The following ATXN7 variants were observed in gnomAD, a reference collection of about 807,000 sequenced individuals.
ATXN7 encodes ataxin-7.
Under a neutral mutation model 70.5 loss-of-function variants are expected in ATXN7, and 12 were observed. That is an observed-to-expected ratio of 0.17 (90% confidence interval 0.11 to 0.28). The LOEUF (loss-of-function observed/expected upper bound fraction) is 0.28, where lower values mean the gene tolerates loss of function less well. Ranked by LOEUF, ATXN7 falls within the 10% of genes least tolerant of loss-of-function variation. The pLI is 1.00. For synonymous variants in ATXN7, 498 were observed against 448.7 expected, an observed-to-expected ratio of 1.11 and a Z score of -1.39; for missense variants, 1,256 against 1,131.7, an observed-to-expected ratio of 1.11 and a Z score of -1.58.
At position 63,912,653 on chromosome 3, in the gene ATXN7, G is replaced by GC; in HGVS notation, c.56dup (p.Ala20GlyfsTer69). 1 of 1,039,228 alleles carries GC rather than the reference G, an allele frequency of 9.6e-7. No homozygotes were observed. Among genetic ancestry groups the GC allele is most frequent in the Non-Finnish European group, 1.2e-6 (1 of 861,330 alleles). The allele number at this position is 1,039,228 out of a possible 1,614,324, so 64.4% of individuals were successfully genotyped here. The stretch of plus-strand genomic sequence containing the variant: ...GGGGGAGCCGCGCCGCGCGGCGGCG[G>GC]CGGCGGGCGGAGCAGCGGCCGCGGC... On this transcript the variant is annotated frameshift_variant, in exon 3 of 13. Transcript: ENST00000674280. LOFTEE classifies it high-confidence loss of function.
chr3:63,983,061 A>C (rs1271744283), intron 8 of ATXN7, 40 bp downstream of exon 8: 1 of 1,500,706 alleles, frequency 6.7e-7, no homozygotes, highest in Non-Finnish European at 9.3e-7. Context: ...CATCCTGATA[A>C]ACATGGGTGA....
chr3:63,955,168 C>T (rs2075020174), intron 5 of ATXN7, among the ~76,000 whole-genome samples: 1 of 152,222 alleles, frequency 6.6e-6, no homozygotes, highest in South Asian at 2.1e-4. Context: ...TCATTTACTC[C>T]AAGGTCTCCT....
chr3:63,999,650 C>A lies in ATXN7; in HGVS notation c.*183C>A. On this transcript the variant is annotated 3_prime_UTR_variant, in exon 13 of 13. Transcript: ENST00000674280. ...GATTTCCCTGAAGCTATGTCTCTAG[C>A]AGTGAGTACTCATAAAGGACACTGG... 9.3e-7 allele frequency: 1 copy of A among 1,079,572 alleles called. No individual in the cohort carries two copies. Among genetic ancestry groups the A allele is most frequent in the Non-Finnish European group, 1.4e-6 (1 of 719,456 alleles). The allele number at this position is 1,079,572 out of a possible 1,614,324, so 66.9% of individuals were successfully genotyped here.
intron 4 of ATXN7, among the ~76,000 whole-genome samples, chr3:63,948,830 G>C (rs1435027957): frequency 6.6e-6 from 1 of 152,076 alleles, no homozygotes; most frequent in Admixed American, 6.5e-5. Flanking sequence ...ACATAGGGGT[G>C]ACCTAAATCC....
intron 11 of ATXN7, 57 bp downstream of exon 11, chr3:63,990,916 T>G: frequency 6.2e-7 from 1 of 1,607,234 alleles, no homozygotes; most frequent in Non-Finnish European, 8.5e-7. Flanking sequence ...TGCATTGTCT[T>G]TTATTTCCTG....
intron 1 of ATXN7, among the ~76,000 whole-genome samples, chr3:63,870,983 C>T (rs1702576665): frequency 6.6e-6 from 1 of 152,152 alleles, no homozygotes; most frequent in Non-Finnish European, 1.5e-5. Context: ...CTTTTAGTTT[C>T]ACCTTTTCAC....
chr3:63,906,418 A>C (rs1393138114), intron 2 of ATXN7, among the ~76,000 whole-genome samples: 1 of 152,200 alleles, frequency 6.6e-6, no homozygotes, highest in African/African-American at 2.4e-5. Context: ...TTTGCTGACC[A>C]ATTTGGAGAC....
chr3:63,872,715 A>G (rs1323837831), intron 1 of ATXN7, among the ~76,000 whole-genome samples: 2 of 152,180 alleles, frequency 1.3e-5, no homozygotes, highest in Admixed American at 1.3e-4. Context: ...CCATCAACAT[A>G]TGTGCCAACC....
chr3:63,926,938 A>C (rs1480037524), intron 4 of ATXN7, among the ~76,000 whole-genome samples: 1 of 152,000 alleles, frequency 6.6e-6, no homozygotes, highest in Non-Finnish European at 1.5e-5. Context: ...TTCCTGTGTT[A>C]GTTGGCTAAG....
chr3:63,973,798 G>A (rs1168442511), intron 5 of ATXN7, among the ~76,000 whole-genome samples: 1 of 152,050 alleles, frequency 6.6e-6, no homozygotes, highest in African/African-American at 2.4e-5. Flanking sequence ...CCCCCATGTG[G>A]CTGGTTCTGG....
chr3:63,898,753 A>G (rs1178090613), intron 2 of ATXN7, among the ~76,000 whole-genome samples: 1 of 152,242 alleles, frequency 6.6e-6, no homozygotes, highest in Non-Finnish European at 1.5e-5. Flanking sequence ...TTAAAATTGC[A>G]GGAAGACTTT....
chr3:63,865,767 C>T (rs1213126233), intron 1 of ATXN7, among the ~76,000 whole-genome samples: 3 of 149,538 alleles, frequency 2.0e-5, no homozygotes, highest in Admixed American at 1.3e-4. Context: ...TAGTGGCGGG[C>T]GCCTGTAGTC....
In ATXN7 at chr3:63,995,740, A is replaced by G. The variant is rs756432267; in HGVS notation, c.1918A>G (p.Ser640Gly). 9 of 1,614,124 alleles carry G rather than the reference A, an allele frequency of 5.6e-6. No homozygotes were observed. Among genetic ancestry groups the G allele is most frequent in the Non-Finnish European group, 7.6e-6 (9 of 1,180,060 alleles). ...TTCAGGGGCGATGGATCCTGTGTGC[A>G]GTATGCAATCCAGACAAGTGTCCTC... ...AASGAMDPVC[S>G]MQSRQVSSSS... Residue 640 changes from serine (S) to glycine (G), a missense_variant, in exon 12 of 13, where the codon AGT becomes GGT. Transcript: ENST00000674280.
chr3:63,909,461 T>G (rs1043012795), intron 2 of ATXN7, among the ~76,000 whole-genome samples: 1 of 152,128 alleles, frequency 6.6e-6, no homozygotes, highest in African/African-American at 2.4e-5. Context: ...TATAATTTGG[T>G]GGTATGGAAA....
chr3:63,952,866 T>TTTTTTTTA (rs2074979016), intron 5 of ATXN7, among the ~76,000 whole-genome samples: 1 of 141,142 alleles, frequency 7.1e-6, no homozygotes, highest in African/African-American at 2.7e-5. Flanking sequence ...TTTTTTTTTT[T>TTTTTTTTA]AAGGAAATGT....
chr3:63,911,289 G>A (rs911475896), intron 2 of ATXN7, among the ~76,000 whole-genome samples: 14 of 152,200 alleles, frequency 9.2e-5, no homozygotes, highest in African/African-American at 2.7e-4. Flanking sequence ...AGGTCATTAA[G>A]TAGCCTTTTA....
At chr3:63,863,418 T>C, upstream of ATXN7, 1 of 1,079,754 alleles carries the variant, frequency 9.3e-7, no homozygotes, top group Non-Finnish European at 1.1e-6. Context: ...CCGGACTCCC[T>C]CTGGTCCCAC....
At chr3:63,965,543 A>G (rs890362679) in intron 5 of ATXN7, among the ~76,000 whole-genome samples, 1 of 152,226 alleles carries the variant, frequency 6.6e-6, no homozygotes, top group Non-Finnish European at 1.5e-5. Context: ...TCAGTGAGGC[A>G]CGGATGTTAT....
intron 4 of ATXN7, among the ~76,000 whole-genome samples, chr3:63,945,670 C>A (rs913625515): frequency 1.1e-4 from 16 of 152,184 alleles, no homozygotes; most frequent in African/African-American, 3.9e-4. Context: ...GGCACTGCCA[C>A]CAGAGCAGTC....
Sources: allele counts gnomAD v4.1 joint callset (sites outside exome capture counted in the v4.1 genomes callset), GRCh38; gene constraint gnomAD v4.1.1; transcripts MANE v1.5; gene names NCBI Gene and HGNC (gene_info 2026-07-23, HGNC 2026-07-21).